EMILIN2: variants seen among roughly 807,000 people sequenced by gnomAD.
The protein encoded by EMILIN2 is elastin microfibril interfacer 2, also known as EMILIN-2.
In EMILIN2, 71 loss-of-function variants were observed where a neutral mutation model predicts 87.1. The observed-to-expected ratio is 0.82, with a 90% confidence interval of 0.67 to 0.99. The LOEUF (loss-of-function observed/expected upper bound fraction) is 0.99, where lower values mean the gene tolerates loss of function less well. Among genes scored for constraint, EMILIN2 ranks in the 50% least tolerant of loss-of-function variants. The pLI, the probability that EMILIN2 is intolerant of heterozygous loss-of-function variation, is 0.00. For missense variants in EMILIN2, 1,407 were observed against 1,371.8 expected (o/e 1.03, Z -0.40); for synonymous variants, 581 against 563.4 (o/e 1.03, Z -0.44).
chr18:2,913,400 TC>T lies in EMILIN2; in HGVS notation c.3159del (p.Ter1054LysfsTer11). ...TTCTTATATCCTTTCCTTTCCCACC[TC>T]TAAGGTGGCTGGGGAGATGTCAGGG... ...GVFLYPFLSH[L>X] On this transcript the variant is annotated frameshift_variant, in exon 8 of 8. Transcript: ENST00000254528. LOFTEE classifies it high-confidence loss of function. 6.3e-7 allele frequency: 1 copy of T among 1,582,782 alleles called. No individual in the cohort carries two copies. Among genetic ancestry groups the T allele is most frequent in the Non-Finnish European group, 8.6e-7 (1 of 1,165,518 alleles).
At chr18:2,869,790 G>T (rs997371013) in intron 2 of EMILIN2, among the ~76,000 whole-genome samples, 2 of 60,132 alleles carry the variant, frequency 3.3e-5, no homozygotes, top group Admixed American at 4.5e-4. Flanking sequence ...GTGTGTTTGT[G>T]TGTGTGTGTG....
chr18:2,865,957 G>A lies in EMILIN2; in HGVS notation c.257+18026G>A, dbSNP rs565320538. Among the ~76,000 whole-genome samples, 4 of 152,356 alleles carry A rather than the reference G, an allele frequency of 2.6e-5. No individual in the cohort carries two copies. In the South Asian group the frequency reaches 8.3e-4, roughly 32 times the overall value. The stretch of plus-strand genomic sequence containing the variant: ...ACTGCCACCTTGCAGTTTGATCTCA[G>A]ACTGCTGTGCTAGCAATGAGCGAGG... On this transcript the variant is annotated intron_variant, in intron 2 of 7. Transcript: ENST00000254528.
At chr18:2,911,502 A>G (rs1348684434) in intron 7 of EMILIN2, among the ~76,000 whole-genome samples, 2 of 152,218 alleles carry the variant, frequency 1.3e-5, no homozygotes, top group Non-Finnish European at 2.9e-5. Flanking sequence ...TTGTCTGACT[A>G]TTGGGCGACT....
In EMILIN2 at chr18:2,907,007, CG is replaced by C; in HGVS notation, c.2588del (p.Gly863ValfsTer33). 2 of 1,348,548 alleles carry C rather than the reference CG, an allele frequency of 1.5e-6. No individual in the cohort carries two copies. The highest frequency in any genetic ancestry group is 1.9e-5 in the South Asian group (1 of 53,550). The allele number at this position is 1,348,548 out of a possible 1,614,324, so 83.5% of individuals were successfully genotyped here. ...CCCCGCAGGCGCAGGCGTGTCTGGG[CG>C]GGGTCTGCCGCGGGGCGTGGACGGC... is the stretch of plus-strand genomic sequence containing the variant. The part of the protein sequence containing the change: ...GPPAGAGVSG[R>X]GLPRGVDGQT... On this transcript the variant is annotated frameshift_variant, in exon 5 of 8. Coordinates refer to ENST00000254528, the MANE Select transcript of EMILIN2 (RefSeq NM_032048.3). LOFTEE classifies it high-confidence loss of function.
intron 6 of EMILIN2, 144 bp downstream of exon 6, chr18:2,909,119 A>G (rs778209670): frequency 1.3e-4 from 133 of 1,055,358 alleles, no homozygotes; most frequent in Non-Finnish European, 1.8e-4. Context: ...CAGCACTGGG[A>G]CAGCCCTCTG....
chr18:2,902,005 G>A (rs559369070), intron 4 of EMILIN2, among the ~76,000 whole-genome samples: 1 of 152,342 alleles, frequency 6.6e-6, no homozygotes, highest in South Asian at 2.1e-4. Flanking sequence ...TCTGGCTCAA[G>A]GAATATCTTA....
At chr18:2,907,137 G>C (rs1183947351) in intron 5 of EMILIN2, 52 bp downstream of exon 5, 1 of 1,227,610 alleles carries the variant, frequency 8.1e-7, no homozygotes, top group African/African-American at 1.6e-5. Flanking sequence ...CGGAACTTCC[G>C]CCTGAGCCTC....
rs778106576 is a variant in EMILIN2 at position 2,890,812 on chromosome 18, A to T, written c.685A>T (p.Ser229Cys). 8 of 1,613,740 alleles carry T rather than the reference A, an allele frequency of 5.0e-6. No individual in the cohort carries two copies. In the South Asian group the frequency reaches 7.7e-5, roughly 16 times the overall value. ...DASRTRAPGL[S>C]SQHPKPDTTV... ...CAGTAGAACACGGGCACCAGGGCTC[A>T]GCAGCCAGCACCCCAAGCCTGACAC... The change falls in exon 4 of 8, where the codon AGC (serine) becomes TGC (cysteine). Residue 229 changes from serine to cysteine, a missense_variant. Ser to Cys is a moderately radical substitution (Grantham distance 112, BLOSUM62 -1). Coordinates refer to ENST00000254528, the MANE Select transcript of EMILIN2 (RefSeq NM_032048.3). This position sits in a 1 kb window ranked among gnomAD's most constrained non-coding sequence, Gnocchi z 4.7.
upstream of EMILIN2, chr18:2,846,853 C>T (rs1174188787): frequency 2.0e-5 from 20 of 985,160 alleles, no homozygotes; most frequent in Non-Finnish European, 2.4e-5. This position sits in a 1 kb window ranked among gnomAD's most constrained non-coding sequence, Gnocchi z 5.3. Flanking sequence ...CCACCCCGAG[C>T]CCCCTGCCGA....
intron 6 of EMILIN2, among the ~76,000 whole-genome samples, chr18:2,909,311 A>G (rs532494000): frequency 1.3e-5 from 2 of 152,224 alleles, no homozygotes; most frequent in South Asian, 2.1e-4. Flanking sequence ...GGTTTTACTG[A>G]TTTATTAGTA....
At position 2,906,766 on chromosome 18, in the gene EMILIN2, TCCCCGACGCCCGGCAGAGGCGCCCTCGC is replaced by T. The variant is rs574405126; in HGVS notation, c.2360-11_2376del. ...TTTCCTAATCCCGTGTGTTTCTTTC[TCCCCGACGCCCGGCAGAGGCGCCCTCGC>T]CCCCGCCGCCCGCAGAGGCCCCGAA... is the stretch of plus-strand genomic sequence containing the variant. On this transcript the variant is annotated splice_acceptor_variant and splice_polypyrimidine_tract_variant and coding_sequence_variant and intron_variant, in exon 5 of 8. Transcript: ENST00000254528. LOFTEE classifies it high-confidence loss of function. The T allele has an allele frequency of 0.01, 12,989 of 1,277,900 alleles. 282 individuals carry two copies. The highest frequency in any genetic ancestry group is 0.068 in the South Asian group (2,579 of 38,022). The allele number at this position is 1,277,900 out of a possible 1,614,324, so 79.2% of individuals were successfully genotyped here.
At chr18:2,850,093 ATTTTTT>A (rs71366611) in intron 2 of EMILIN2, among the ~76,000 whole-genome samples, 18 of 122,540 alleles carry the variant, frequency 1.5e-4, no homozygotes, top group Admixed American at 3.4e-4. Context: ...TGCCCAGCTA[ATTTTTT>A]TTTTTTTTTT....
rs1191876276 is a variant in EMILIN2, at chr18:2,894,754, TAAAC to T, written c.2359+2271_2359+2274del. ...TCATTGATTGGAAAAGAGCCAGAAATAAACAAGCAGAGCCTCCTCTGCCCTTGTC... is the reference window on the plus strand; with the variant it reads ...TCATTGATTGGAAAAGAGCCAGAAATAAGCAGAGCCTCCTCTGCCCTTGTC... On this transcript the variant is annotated intron_variant, in intron 4 of 7. Coordinates refer to ENST00000254528, the MANE Select transcript of EMILIN2 (RefSeq NM_032048.3). The surrounding 1 kb of genome is among the most constrained non-coding windows in gnomAD (Gnocchi z 5.0). Among the ~76,000 whole-genome samples, 2 of 152,006 alleles carry T rather than the reference TAAAC, an allele frequency of 1.3e-5. No homozygotes were observed. Among genetic ancestry groups the T allele is most frequent in the African/African-American group, 2.4e-5 (1 of 41,378 alleles).
chr18:2,851,366 T>C (rs1176189164), intron 2 of EMILIN2, among the ~76,000 whole-genome samples: 1 of 152,050 alleles, frequency 6.6e-6, no homozygotes, highest in African/African-American at 2.4e-5. Context: ...GCCCAGGAGT[T>C]CGAGGCTGCA....
At chr18:2,903,182 GTGGGGC>G (rs921393552) in intron 4 of EMILIN2, among the ~76,000 whole-genome samples, 1 of 151,054 alleles carries the variant, frequency 6.6e-6, no homozygotes, top group African/African-American at 2.4e-5. Flanking sequence ...AGGAGGGAGG[GTGGGGC>G]TGGGGCTCAG....
intron 4 of EMILIN2, among the ~76,000 whole-genome samples, chr18:2,893,602 G>A (rs536158042): frequency 6.6e-6 from 1 of 152,176 alleles, no homozygotes; most frequent in East Asian, 1.9e-4. Context: ...AAAGGACAGA[G>A]CTTCTCTTGT....
At chr18:2,883,243 C>A (rs996272504) in intron 2 of EMILIN2, among the ~76,000 whole-genome samples, 1 of 152,194 alleles carries the variant, frequency 6.6e-6, no homozygotes, top group Non-Finnish European at 1.5e-5. Flanking sequence ...AAAGGTCCAG[C>A]ACATGATTTG....
chr18:2,913,651 A>T lies in EMILIN2; in HGVS notation c.*247A>T. On this transcript the variant is annotated 3_prime_UTR_variant, in exon 8 of 8. Coordinates refer to ENST00000254528, the MANE Select transcript of EMILIN2 (RefSeq NM_032048.3). ...CTAACTGGACAACTGGAAGACTTGG[A>T]AAGGCCTCCACCTGTATCTACACTC... The T allele has an allele frequency of 4.6e-4, 177 of 384,556 alleles. No homozygotes were observed. Among genetic ancestry groups the T allele is most frequent in the South Asian group, 2.2e-3 (45 of 20,824 alleles). The allele number at this position is 384,556 out of a possible 1,614,324, so 23.8% of individuals were successfully genotyped here.
intron 2 of EMILIN2, 106 bp from the exon 3 acceptor site, chr18:2,884,858 G>A: frequency 1.6e-6 from 2 of 1,232,068 alleles, no homozygotes; most frequent in Non-Finnish European, 2.2e-6. Flanking sequence ...AGCCTGGAGA[G>A]CAGGCAGGGT....
Sources: allele counts gnomAD v4.1 joint callset (sites outside exome capture counted in the v4.1 genomes callset), GRCh38; gene constraint gnomAD v4.1.1; non-coding constraint Gnocchi (gnomAD v3.1); transcripts MANE v1.5; gene names NCBI Gene and HGNC (gene_info 2026-07-23, HGNC 2026-07-21).